The following COG5 variants were observed in gnomAD, a reference collection of about 807,000 sequenced individuals.
COG5 encodes the protein component of oligomeric golgi complex 5, also known as conserved oligomeric Golgi complex subunit 5.
In COG5, 86 loss-of-function variants were observed where a neutral mutation model predicts 110.4. The ratio of observed to expected loss-of-function variants is 0.78; its 90% CI spans 0.65 to 0.93. The LOEUF (loss-of-function observed/expected upper bound fraction) is 0.93. COG5 is among the 40% of genes least tolerant of loss of function. The pLI, the probability that COG5 is intolerant of heterozygous loss-of-function variation, is 0.00. For synonymous variants in COG5, 360 were observed against 334.6 expected (o/e 1.08, Z -0.83); for missense variants, 1,077 against 987.0 (o/e 1.09, Z -1.22).
At chr7:107,491,150 C>A (rs999289457) in intron 6 of COG5, among the ~76,000 whole-genome samples, 41 of 152,110 alleles carry the variant, frequency 2.7e-4, no homozygotes, top group African/African-American at 9.7e-4. Flanking sequence ...TATCTTCAAA[C>A]TTCATCAAAA....
intron 6 of COG5, among the ~76,000 whole-genome samples, chr7:107,457,625 T>G (rs1359125001): frequency 6.6e-6 from 1 of 151,954 alleles, no homozygotes; most frequent in Non-Finnish European, 1.5e-5. Context: ...GAGACAGGGT[T>G]TCACCATGTT....
intron 6 of COG5, among the ~76,000 whole-genome samples, chr7:107,416,315 C>T (rs564539934): frequency 4.6e-5 from 7 of 151,912 alleles, no homozygotes; most frequent in East Asian, 1.9e-4. Context: ...TGAAAATAGA[C>T]AAATGACAGG....
At chr7:107,371,062 T>C (rs1292324051) in intron 8 of COG5, among the ~76,000 whole-genome samples, 1 of 152,104 alleles carries the variant, frequency 6.6e-6, no homozygotes, top group East Asian at 1.9e-4. Flanking sequence ...ATTTAAACAT[T>C]ATATCAAACT....
At chr7:107,328,607 C>G (rs1274060298) in intron 10 of COG5, among the ~76,000 whole-genome samples, 1 of 152,104 alleles carries the variant, frequency 6.6e-6, no homozygotes, top group Admixed American at 6.5e-5. Flanking sequence ...TGGTAATTGC[C>G]AAGAGATGGG....
chr7:107,289,679 AT>A (rs1208166692), intron 12 of COG5, among the ~76,000 whole-genome samples: 7 of 152,166 alleles, frequency 4.6e-5, no homozygotes, highest in African/African-American at 1.7e-4. Flanking sequence ...TTTGAACAAT[AT>A]TTTACAGTTT....
At chr7:107,312,829 A>G (rs1427751382) in intron 11 of COG5, among the ~76,000 whole-genome samples, 2 of 145,278 alleles carry the variant, frequency 1.4e-5, no homozygotes, top group East Asian at 3.9e-4. Flanking sequence ...TGCTTGGCAG[A>G]AGCAGAGGAC....
chr7:107,236,658 A>C lies in COG5; in HGVS notation c.1883T>G (p.Val628Gly). 6.2e-7 allele frequency: 1 copy of C among 1,614,072 alleles called. No homozygotes were observed. The highest frequency in any genetic ancestry group is 1.1e-5 in the South Asian group (1 of 91,080). ...CTCCTTCATGTACAGAGAACAAGGA[A>C]CATCAGGTTTTCCTGAGCTGGATAA... is the stretch of plus-strand genomic sequence containing the variant. ...GSLSSSGKPD[V>G]PCSLYMKELQ... The change falls in exon 18 of 22, where the codon GTT becomes GGT. Residue 628 changes from valine to glycine, a missense_variant. Physicochemically the swap from Val to Gly is moderately radical, Grantham distance 109. Transcript: ENST00000297135.
chr7:107,342,193 A>AT (rs1811218197), intron 10 of COG5, among the ~76,000 whole-genome samples: 2 of 152,122 alleles, frequency 1.3e-5, no homozygotes, highest in African/African-American at 2.4e-5. Flanking sequence ...AAATAATCTC[A>AT]TTAAAAAGTG....
chr7:107,416,313 G>C (rs995021621), intron 6 of COG5, among the ~76,000 whole-genome samples: 3 of 151,882 alleles, frequency 2.0e-5, no homozygotes, highest in African/African-American at 7.2e-5. Context: ...AGTGAAAATA[G>C]ACAAATGACA....
At chr7:107,242,809 G>A (rs1801747934) in intron 17 of COG5, among the ~76,000 whole-genome samples, 1 of 152,140 alleles carries the variant, frequency 6.6e-6, no homozygotes, top group South Asian at 2.1e-4. Flanking sequence ...CCACTGGGCT[G>A]ACTGCAGTGA....
chr7:107,493,695 C>T (rs1798103156), intron 6 of COG5, among the ~76,000 whole-genome samples: 1 of 152,102 alleles, frequency 6.6e-6, no homozygotes, highest in South Asian at 2.1e-4. Context: ...CTGTTCTTGT[C>T]ATAGAAACAA....
At chr7:107,403,196 G>A (rs1422005500) in intron 7 of COG5, among the ~76,000 whole-genome samples, 1 of 152,098 alleles carries the variant, frequency 6.6e-6, no homozygotes, top group Non-Finnish European at 1.5e-5. Context: ...ATAAATAGTT[G>A]CTTCAGATAA....
intron 6 of COG5, among the ~76,000 whole-genome samples, chr7:107,459,438 A>G (rs59865183): frequency 0.013 from 1,986 of 152,230 alleles, 50 homozygotes; most frequent in African/African-American, 0.045. Context: ...CAAATCTGCA[A>G]TTATAGGCAA....
chr7:107,502,649 G>C (rs1043825099), intron 6 of COG5, among the ~76,000 whole-genome samples: 4 of 151,838 alleles, frequency 2.6e-5, no homozygotes, highest in African/African-American at 9.6e-5. Flanking sequence ...TAGTGTATAA[G>C]CATTACCACA....
intron 6 of COG5, among the ~76,000 whole-genome samples, chr7:107,437,507 G>A (rs552487661): frequency 6.6e-5 from 10 of 152,160 alleles, no homozygotes; most frequent in East Asian, 3.9e-4. Context: ...GACTATTATC[G>A]AATAGCCACT....
At chr7:107,333,061 C>T (rs1324787084) in intron 10 of COG5, among the ~76,000 whole-genome samples, 1 of 151,974 alleles carries the variant, frequency 6.6e-6, no homozygotes, top group East Asian at 1.9e-4. Flanking sequence ...GCAGAGGGAG[C>T]TAAATTAAGA....
rs1009791925 is a variant in COG5, at chr7:107,201,584, G to A, written c.*1932C>T. 2.2e-6 allele frequency: 1 copy of A among 460,270 alleles called. No individual in the cohort carries two copies. The highest frequency in any genetic ancestry group is 3.4e-5 in the East Asian group (1 of 29,764). The allele number at this position is 460,270 out of a possible 1,614,324, so 28.5% of individuals were successfully genotyped here. The stretch of plus-strand genomic sequence containing the variant: ...GTCTTGAAATGATTTAATAATATGA[G>A]TGAGGATTTGCTTTCTCCATTAGAG... On this transcript the variant is annotated 3_prime_UTR_variant, in exon 22 of 22. Coordinates refer to ENST00000297135, the MANE Select transcript of COG5 (RefSeq NM_006348.5).
intron 14 of COG5, among the ~76,000 whole-genome samples, chr7:107,278,772 A>C (rs1407332671): frequency 6.6e-6 from 1 of 152,170 alleles, no homozygotes; most frequent in African/African-American, 2.4e-5. Context: ...CTTACCCCTT[A>C]TACAAAAATT....
At chr7:107,457,970 T>C (rs1171941179) in intron 6 of COG5, among the ~76,000 whole-genome samples, 6 of 151,416 alleles carry the variant, frequency 4.0e-5, no homozygotes, top group African/African-American at 1.5e-4. Flanking sequence ...ATAAAAACAA[T>C]GAAATAATGA....
Sources: allele counts gnomAD v4.1 joint callset (sites outside exome capture counted in the v4.1 genomes callset), GRCh38; gene constraint gnomAD v4.1.1; transcripts MANE v1.5; gene names NCBI Gene and HGNC (gene_info 2026-07-23, HGNC 2026-07-21).